Variants in KDR observed in about 807,000 individuals in gnomAD.
KDR encodes the protein vascular endothelial growth factor receptor 2.
KDR carries 43 observed loss-of-function variants against 160.9 expected under a neutral mutation model. That is an observed-to-expected ratio of 0.27 (90% CI 0.21 to 0.34). The LOEUF (loss-of-function observed/expected upper bound fraction) is 0.34, where lower values mean the gene tolerates loss of function less well. Among genes scored for constraint, KDR ranks in the 10% least tolerant of loss-of-function variants. The pLI, the probability that KDR is intolerant of heterozygous loss-of-function variation, is 1.00. For synonymous variants in KDR, 617 were observed against 600.1 expected (o/e 1.03, Z -0.41); for missense variants, 1,469 against 1,666.4 (o/e 0.88, Z 2.06).
At chr4:55,107,565 A>T (rs1387290299) in intron 10 of KDR, among the ~76,000 whole-genome samples, 172 bp downstream of exon 10, 1 of 152,180 alleles carries the variant, frequency 6.6e-6, no homozygotes, top group Non-Finnish European at 1.5e-5. Flanking sequence ...CTCCAAGCAA[A>T]GACATCCCCT....
At position 55,087,650 on chromosome 4, in the gene KDR, C is replaced by G; in HGVS notation, c.3619G>C (p.Val1207Leu). The G allele has an allele frequency of 6.2e-7, 1 of 1,614,152 alleles. No individual in the cohort carries two copies. Among genetic ancestry groups the G allele is most frequent in the Non-Finnish European group, 8.5e-7 (1 of 1,179,976 alleles). Reference protein sequence around the residue: ...SPVSCMEEEEVCDPKFHYDNT... With the variant: ...SPVSCMEEEELCDPKFHYDNT... ...TCATAATGGAATTTGGGGTCACATACTTCCTCCTCCTCCATACAGGAAACA... is the reference window on the plus strand; with the variant it reads ...TCATAATGGAATTTGGGGTCACATAGTTCCTCCTCCTCCATACAGGAAACA... Residue 1207 changes from valine (V) to leucine (L), a missense_variant, in exon 27 of 30, where the codon GTA becomes CTA. Val to Leu is a conservative substitution (Grantham distance 32). Transcript: ENST00000263923.
intron 27 of KDR, among the ~76,000 whole-genome samples, chr4:55,087,000 G>A (rs894127407): frequency 6.6e-6 from 1 of 152,186 alleles, no homozygotes; most frequent in African/African-American, 2.4e-5. Flanking sequence ...CTGGGAGAGA[G>A]AAAAAAGAAA....
intron 24 of KDR, 28 bp from the exon 25 acceptor site, chr4:55,089,501 T>C: frequency 6.5e-7 from 1 of 1,540,536 alleles, no homozygotes; most frequent in South Asian, 1.1e-5. Context: ...GGAGACATTC[T>C]TTGATTTGAT....
intron 18 of KDR, 73 bp downstream of exon 18, chr4:55,097,589 G>T: frequency 1.0e-6 from 1 of 995,112 alleles, no homozygotes; most frequent in Non-Finnish European, 1.6e-6. Flanking sequence ...CAAAGCTACT[G>T]ATACAAGCCT....
At chr4:55,094,731 T>C in intron 21 of KDR, 71 bp downstream of exon 21, 3 of 1,429,330 alleles carry the variant, frequency 2.1e-6, no homozygotes, top group Non-Finnish European at 3.0e-6. Flanking sequence ...ATCAAATTCC[T>C]TGTAACACCC....
At chr4:55,090,137 T>C in intron 22 of KDR, 59 bp from the exon 23 acceptor site, 1 of 1,601,480 alleles carries the variant, frequency 6.2e-7, no homozygotes, top group South Asian at 1.1e-5. Context: ...TTCACATCTG[T>C]TGTGACCTCA....
In KDR at chr4:55,124,614, T is replaced by TC. The variant is rs557704643; in HGVS notation, c.67+612dup. Reference sequence around the variant, plus strand: ...CAAAGCCCCCAGGACAAGTCCCTATTCCCCCCCTTCTTCGCTCTGCAAGGA... The same window carrying TC: ...CAAAGCCCCCAGGACAAGTCCCTATTCCCCCCCCTTCTTCGCTCTGCAAGGA... On this transcript the variant is annotated intron_variant, in intron 1 of 29. Transcript: ENST00000263923. Among the ~76,000 whole-genome samples the TC allele has an allele frequency of 7.7e-3, 1,171 of 151,666 alleles. 15 individuals carry two copies. The highest frequency in any genetic ancestry group is 0.019 in the South Asian group (89 of 4,786).
At chr4:55,107,590 A>G (rs1720475880) in intron 10 of KDR, 147 bp downstream of exon 10, 1 of 923,954 alleles carries the variant, frequency 1.1e-6, no homozygotes, top group Admixed American at 2.0e-5. Flanking sequence ...TGTAAGACAC[A>G]GAGAAAGATG....
At position 55,096,266 on chromosome 4, in the gene KDR, A is replaced by G. The variant is rs79614820; in HGVS notation, c.2691T>C (p.Asn897=). Residue 897 remains asparagine (N), a synonymous_variant, in exon 19 of 30, where the codon AAT becomes AAC. Transcript: ENST00000263923. ...TACAGGCACCTAGAAGGTTGACCAC[A>G]TTGAGATGGTGACCAATATGAATGA... is the stretch of plus-strand genomic sequence containing the variant. ...KILIHIGHHL[N]VVNLLGACTK... 762 of 1,613,714 alleles carry G rather than the reference A, an allele frequency of 4.7e-4. 2 individuals carry two copies. The highest frequency in any genetic ancestry group is 2.5e-3 in the East Asian group (113 of 44,870).
chr4:55,105,775 A>C (rs1373946731), intron 12 of KDR, 57 bp downstream of exon 12: 2 of 1,030,292 alleles, frequency 1.9e-6, no homozygotes, highest in Non-Finnish European at 3.1e-6. Context: ...GGAATTACAT[A>C]GCTTAGTACC....
chr4:55,106,951 G>A (rs1431275012), intron 10 of KDR, 141 bp from the exon 11 acceptor site: 4 of 758,388 alleles, frequency 5.3e-6, no homozygotes, highest in Middle Eastern at 3.6e-4. Context: ...AAGACTTGGC[G>A]CCAATTAAAA....
chr4:55,093,072 T>C (rs1470878448), intron 21 of KDR, among the ~76,000 whole-genome samples: 1 of 152,226 alleles, frequency 6.6e-6, no homozygotes. Flanking sequence ...AATAGTTTCA[T>C]ATCAAGAACT....
chr4:55,106,207 T>G (rs957210266), intron 11 of KDR, among the ~76,000 whole-genome samples: 3 of 152,156 alleles, frequency 2.0e-5, no homozygotes, highest in Non-Finnish European at 4.4e-5. Flanking sequence ...ATCCCTAATC[T>G]GAAAATCCAA....
intron 18 of KDR, among the ~76,000 whole-genome samples, chr4:55,097,246 T>C (rs1720181852): frequency 6.6e-6 from 1 of 152,220 alleles, no homozygotes; most frequent in Non-Finnish European, 1.5e-5. Context: ...ATCTTTTACA[T>C]ATTCCAATTC....
intron 27 of KDR, among the ~76,000 whole-genome samples, chr4:55,087,025 C>T (rs1719882136): frequency 6.6e-6 from 1 of 152,184 alleles, no homozygotes; most frequent in Non-Finnish European, 1.5e-5. Flanking sequence ...CCTTTAGAAC[C>T]CCTCTGCAAA....
chr4:55,113,552 C>G, intron 6 of KDR, 71 bp from the exon 7 acceptor site: 1 of 1,376,096 alleles, frequency 7.3e-7, no homozygotes, highest in Non-Finnish European at 1.0e-6. Context: ...TAGTAACACA[C>G]AGAATTAAAT....
At chr4:55,100,693 T>C (rs1720288152) in intron 15 of KDR, among the ~76,000 whole-genome samples, 1 of 152,210 alleles carries the variant, frequency 6.6e-6, no homozygotes, top group South Asian at 2.1e-4. Flanking sequence ...AATAAGCTTA[T>C]ACATTTGAAA....
intron 17 of KDR, 48 bp downstream of exon 17, chr4:55,098,089 G>C (rs1369643456): frequency 6.2e-7 from 1 of 1,608,122 alleles, no homozygotes; most frequent in Admixed American, 1.7e-5. Context: ...TGGAGGAAGA[G>C]ATGGCCTGGT....
chr4:55,085,757 T>C (rs891220029), intron 27 of KDR, among the ~76,000 whole-genome samples: 2 of 152,170 alleles, frequency 1.3e-5, no homozygotes, highest in African/African-American at 4.8e-5. Context: ...AATTCAAAAA[T>C]CACAGACAGA....
Sources: allele counts gnomAD v4.1 joint callset (sites outside exome capture counted in the v4.1 genomes callset), GRCh38; gene constraint gnomAD v4.1.1; transcripts MANE v1.5; gene names NCBI Gene and HGNC (gene_info 2026-07-23, HGNC 2026-07-21).